TNNI3K: variants seen among roughly 807,000 people sequenced by gnomAD.
TNNI3K encodes the protein TNNI3 interacting kinase.
TNNI3K carries 140 observed loss-of-function variants against 114.5 expected under a neutral mutation model. The ratio of observed to expected loss-of-function variants is 1.22; its 90% CI spans 1.07 to 1.41. The LOEUF is 1.41. TNNI3K is among the 40% of genes most tolerant of loss of function. The pLI is 0.00. For synonymous variants in TNNI3K, 347 were observed against 347.5 expected, an observed-to-expected ratio of 1.00 and a Z score of 0.02; for missense variants, 1,125 against 1,007.6, an observed-to-expected ratio of 1.12 and a Z score of -1.58.
At chr1:74,364,076 T>G (rs1662129312) in intron 11 of TNNI3K, among the ~76,000 whole-genome samples, 1 of 150,280 alleles carries the variant, frequency 6.7e-6, no homozygotes. Flanking sequence ...TGTAGCTCAC[T>G]ACAATCTTAA....
intron 9 of TNNI3K, among the ~76,000 whole-genome samples, chr1:74,350,867 C>G (rs1163588973): frequency 2.6e-5 from 4 of 151,894 alleles, no homozygotes; most frequent in Non-Finnish European, 5.9e-5. Context: ...TGTCTCTGCA[C>G]GTGAGATGGG....
At chr1:74,342,770 A>T in intron 7 of TNNI3K, 72 bp from the exon 8 acceptor site, 1 of 1,571,848 alleles carries the variant, frequency 6.4e-7, no homozygotes, top group Non-Finnish European at 8.7e-7. Context: ...AATGTCCATG[A>T]TACTATACAT....
In TNNI3K at chr1:74,376,223, G is replaced by T. The variant is rs562819110; in HGVS notation, c.1772+5831G>T. On this transcript the variant is annotated intron_variant, in intron 17 of 24. Coordinates refer to ENST00000326637, the MANE Select transcript of TNNI3K (RefSeq NM_015978.3). ...AAATTATAATAGTTGCTTTTAATTT[G>T]ATATATGCATTTGCCTCTCAGTTGA... is the stretch of plus-strand genomic sequence containing the variant. Among the ~76,000 whole-genome samples the T allele has an allele frequency of 1.0e-3, 158 of 151,964 alleles. 1 individual carries two copies. The highest frequency in any genetic ancestry group is 3.7e-3 in the African/African-American group (153 of 41,498).
intron 17 of TNNI3K, among the ~76,000 whole-genome samples, chr1:74,406,101 C>A (rs764525075): frequency 6.6e-6 from 1 of 152,144 alleles, no homozygotes. Flanking sequence ...CTGGAAAGAA[C>A]CCACTTCTGA....
At chr1:74,253,823 C>T (rs1225274309) in intron 4 of TNNI3K, among the ~76,000 whole-genome samples, 1 of 152,182 alleles carries the variant, frequency 6.6e-6, no homozygotes, top group African/African-American at 2.4e-5. Flanking sequence ...TGAAGGGCTC[C>T]TCAAGTGCAG....
rs533004304 is a variant in TNNI3K, at chr1:74,532,431, A to G, written c.2352-7803A>G. ...GAGCTCCTGAAATGGTAACTGAACA[A>G]TAGTTTGACACGTGCTATTATTATT... is the stretch of plus-strand genomic sequence containing the variant. On this transcript the variant is annotated intron_variant, in intron 23 of 24. Transcript: ENST00000326637. 1.3e-4 allele frequency among the ~76,000 whole-genome samples: 19 copies of G among 151,678 alleles called. No individual in the cohort carries two copies. In the South Asian group the frequency reaches 4.0e-3, roughly 32 times the overall value.
chr1:74,507,110 C>G (rs938518685), intron 23 of TNNI3K, among the ~76,000 whole-genome samples: 25 of 152,050 alleles, frequency 1.6e-4, no homozygotes, highest in African/African-American at 5.1e-4. Context: ...ATCGCAAGAT[C>G]CCTGTATTAT....
At chr1:74,383,281 T>C (rs1663298127) in intron 17 of TNNI3K, among the ~76,000 whole-genome samples, 1 of 152,040 alleles carries the variant, frequency 6.6e-6, no homozygotes, top group Non-Finnish European at 1.5e-5. Flanking sequence ...GCACTGTAAG[T>C]GCTAGAGAGG....
intron 22 of TNNI3K, among the ~76,000 whole-genome samples, chr1:74,491,718 A>G (rs992923006): frequency 6.6e-6 from 1 of 152,238 alleles, no homozygotes; most frequent in African/African-American, 2.4e-5. Context: ...TGTAAAGGGA[A>G]TAATTTTAGC....
At chr1:74,397,297 T>G (rs903190695) in intron 17 of TNNI3K, among the ~76,000 whole-genome samples, 49 of 150,552 alleles carry the variant, frequency 3.3e-4, no homozygotes, top group African/African-American at 2.9e-4. Context: ...GAGAGAGAGA[T>G]AATGTAAAAG....
At chr1:74,459,046 A>T (rs1667341276) in intron 20 of TNNI3K, among the ~76,000 whole-genome samples, 1 of 152,174 alleles carries the variant, frequency 6.6e-6, no homozygotes, top group Non-Finnish European at 1.5e-5. Context: ...CCCCTTGGAT[A>T]ATGACCTCTA....
intron 5 of TNNI3K, among the ~76,000 whole-genome samples, chr1:74,279,538 G>C (rs1393665933): frequency 1.3e-5 from 2 of 152,048 alleles, no homozygotes; most frequent in Non-Finnish European, 2.9e-5. Context: ...CTCCCCTAAA[G>C]AGTATTAGAA....
intron 17 of TNNI3K, among the ~76,000 whole-genome samples, chr1:74,430,156 A>G (rs1665824578): frequency 6.6e-6 from 1 of 152,150 alleles, no homozygotes; most frequent in Non-Finnish European, 1.5e-5. Flanking sequence ...CAGCTCTGGA[A>G]GAAAATCAGA....
At position 74,436,507 on chromosome 1, in the gene TNNI3K, AC is replaced by A; in HGVS notation, c.1860del (p.Asn620LysfsTer2). ...TTTCTACAGTCTCTGGATGAAGACA[AC>A]ATGACAAAACAACCTGGGGTTTGCT... ...SRFLQSLDED[N>X]MTKQPGNLRW... is the part of the protein sequence containing the mutation. On this transcript the variant is annotated frameshift_variant, in exon 19 of 25. Coordinates refer to ENST00000326637, the MANE Select transcript of TNNI3K (RefSeq NM_015978.3). LOFTEE classifies it high-confidence loss of function. 6.3e-7 allele frequency: 1 copy of A among 1,587,424 alleles called. No individual in the cohort carries two copies. The highest frequency in any genetic ancestry group is 8.5e-7 in the Non-Finnish European group (1 of 1,173,206).
chr1:74,360,963 C>G (rs1661933920), intron 11 of TNNI3K, among the ~76,000 whole-genome samples: 1 of 151,974 alleles, frequency 6.6e-6, no homozygotes, highest in Admixed American at 6.6e-5. Flanking sequence ...GATATTCATG[C>G]TTGTTGAAAT....
intron 6 of TNNI3K, among the ~76,000 whole-genome samples, chr1:74,335,557 C>G (rs1368637793): frequency 6.6e-6 from 1 of 152,164 alleles, no homozygotes; most frequent in Non-Finnish European, 1.5e-5. Flanking sequence ...TGAAGCCACT[C>G]ACAGTAAATC....
intron 5 of TNNI3K, among the ~76,000 whole-genome samples, chr1:74,282,942 C>T (rs1221267810): frequency 1.3e-5 from 2 of 152,128 alleles, no homozygotes; most frequent in East Asian, 1.9e-4. Flanking sequence ...CCAGCCGATG[C>T]ACATCATTAT....
At chr1:74,364,059 G>GCC in intron 11 of TNNI3K, among the ~76,000 whole-genome samples, 1 of 149,846 alleles carries the variant, frequency 6.7e-6, no homozygotes, top group Admixed American at 6.7e-5. Context: ...GAGTGCAATG[G>GCC]TGTGATTGTA....
Position 74,412,039 on chromosome 1 carries a change from A to G in TNNI3K, c.1773-24041A>G, listed in dbSNP as rs1251646174. ...TCAAAGCAATAAAGAATCCTTCTTT[A>G]TATTTAAACATAGCTACAAAAAAGG... On this transcript the variant is annotated intron_variant, in intron 17 of 24. Transcript: ENST00000326637. Among the ~76,000 whole-genome samples, 4 of 152,212 alleles carry G rather than the reference A, an allele frequency of 2.6e-5. 1 individual carries two copies. The East Asian group carries it at 7.7e-4, about 29-fold the overall frequency.
Sources: allele counts gnomAD v4.1 joint callset (sites outside exome capture counted in the v4.1 genomes callset), GRCh38; gene constraint gnomAD v4.1.1; transcripts MANE v1.5; gene names NCBI Gene and HGNC (gene_info 2026-07-23, HGNC 2026-07-21).